The following DAPK2 variants were observed in gnomAD, a reference collection of about 807,000 sequenced individuals.
The protein encoded by DAPK2 is death associated protein kinase 2.
In DAPK2, 35 loss-of-function variants were observed where a neutral mutation model predicts 44.1. The observed-to-expected ratio is 0.79, with a 90% CI of 0.61 to 1.05. DAPK2 has a LOEUF of 1.05. Ranked by LOEUF, DAPK2 falls within the 50% of genes least tolerant of loss-of-function variation. DAPK2 has a pLI of 0.00. For missense variants in DAPK2, 453 were observed against 483.2 expected, an observed-to-expected ratio of 0.94 and a Z score of 0.59; for synonymous variants, 174 against 182.6, an observed-to-expected ratio of 0.95 and a Z score of 0.38.
intron 3 of DAPK2, among the ~76,000 whole-genome samples, chr15:63,951,451 GT>G (rs2077584106): frequency 6.6e-6 from 1 of 152,070 alleles, no homozygotes; most frequent in African/African-American, 2.4e-5. Flanking sequence ...AGGTGACATC[GT>G]CTATGCACAT....
chr15:63,966,819 G>A lies in DAPK2; in HGVS notation c.453+4604C>T, dbSNP rs982137747. Among the ~76,000 whole-genome samples, 2 of 152,162 alleles carry A rather than the reference G, an allele frequency of 1.3e-5. No individual in the cohort carries two copies. Among genetic ancestry groups the A allele is most frequent in the Non-Finnish European group, 2.9e-5 (2 of 68,036 alleles). ...TGCTGCCAGAAGATGGGGAAGGGGT[G>A]GTATAGGTGATTCAAGACTGTCTTT... On this transcript the variant is annotated intron_variant, in intron 3 of 10. Transcript: ENST00000261891. The surrounding 1 kb of genome is among the most constrained non-coding windows in gnomAD (Gnocchi z 5.5).
chr15:63,955,097 A>T (rs921836752), intron 3 of DAPK2, among the ~76,000 whole-genome samples: 15 of 152,238 alleles, frequency 9.9e-5, no homozygotes, highest in African/African-American at 3.4e-4. Context: ...ATCTGCAAAC[A>T]AGGATAATTT....
chr15:64,031,757 T>A (rs1177545952), intron 1 of DAPK2, among the ~76,000 whole-genome samples: 1 of 152,362 alleles, frequency 6.6e-6, no homozygotes, highest in East Asian at 1.9e-4. Context: ...AAGGTAGGTT[T>A]GTATTTCTTG....
intron 1 of DAPK2, among the ~76,000 whole-genome samples, chr15:63,997,030 A>T (rs920932979): frequency 6.6e-6 from 1 of 152,100 alleles, no homozygotes; most frequent in Admixed American, 6.5e-5. Flanking sequence ...TTAGAAGCAC[A>T]TCTTCCTCTA....
chr15:64,043,692 A>G (rs2080397269), upstream of DAPK2, among the ~76,000 whole-genome samples: 2 of 152,194 alleles, frequency 1.3e-5, no homozygotes, highest in Non-Finnish European at 2.9e-5. Context: ...ATGATTTTGT[A>G]TGTGATCAAA....
intron 1 of DAPK2, among the ~76,000 whole-genome samples, chr15:64,012,175 G>A (rs2079406027): frequency 6.6e-6 from 1 of 152,170 alleles, no homozygotes; most frequent in African/African-American, 2.4e-5. Context: ...CAACCTTCCT[G>A]AAGCCTCAAT....
chr15:64,029,360 C>G (rs1005189194), intron 1 of DAPK2, among the ~76,000 whole-genome samples: 3 of 152,164 alleles, frequency 2.0e-5, no homozygotes, highest in African/African-American at 7.2e-5. Context: ...TTGTAGTCAT[C>G]AGTCCTCCTG....
exon 2 of DAPK2, chr15:63,983,583 C>T (rs772231022): frequency 9.3e-6 from 15 of 1,614,072 alleles, no homozygotes; most frequent in East Asian, 4.5e-5. Context: ...CGTCGTGCAG[C>T]GTGATGACAT....
At chr15:63,986,683 C>T (rs2078676483) in intron 1 of DAPK2, among the ~76,000 whole-genome samples, 1 of 152,220 alleles carries the variant, frequency 6.6e-6, no homozygotes, top group Non-Finnish European at 1.5e-5. Flanking sequence ...AAGTAGCCAA[C>T]TCTTTAAATC....
intron 2 of DAPK2, among the ~76,000 whole-genome samples, chr15:63,973,346 G>T (rs1032442909): frequency 6.6e-6 from 1 of 152,202 alleles, no homozygotes; most frequent in African/African-American, 2.4e-5. Context: ...TTATGGGCAG[G>T]GTTGCTCAAA....
At chr15:64,036,077 A>G (rs573742569) in intron 1 of DAPK2, among the ~76,000 whole-genome samples, 84 of 151,872 alleles carry the variant, frequency 5.5e-4, no homozygotes, top group African/African-American at 2.0e-3. Context: ...CCTGGCCAGC[A>G]TGGTGAAACC....
chr15:63,940,917 T>C (rs1021127350), intron 3 of DAPK2, among the ~76,000 whole-genome samples: 6 of 151,956 alleles, frequency 3.9e-5, no homozygotes, highest in Admixed American at 6.6e-5. Context: ...TCCCCTAGGA[T>C]TGGGGGAATG....
intron 1 of DAPK2, among the ~76,000 whole-genome samples, chr15:63,984,923 A>T (rs1361795493): frequency 6.6e-6 from 1 of 152,240 alleles, no homozygotes; most frequent in African/African-American, 2.4e-5. Context: ...AAATACCCGG[A>T]GTGGCAATAA....
At chr15:64,021,588 G>A (rs987902850) in intron 1 of DAPK2, among the ~76,000 whole-genome samples, 2 of 152,162 alleles carry the variant, frequency 1.3e-5, no homozygotes, top group African/African-American at 2.4e-5. Flanking sequence ...ACACAAAGAA[G>A]GATAAAATGT....
At chr15:63,971,461 A>G in exon 3 of DAPK2, 6 of 1,614,180 alleles carry the variant, frequency 3.7e-6, no homozygotes, top group Non-Finnish European at 5.1e-6. Context: ...GTGTGAAGGT[A>G]GTTCACCCCA....
intron 3 of DAPK2, among the ~76,000 whole-genome samples, chr15:63,949,075 A>G (rs1266816579): frequency 6.6e-6 from 1 of 152,080 alleles, no homozygotes; most frequent in African/African-American, 2.4e-5. Flanking sequence ...GCCATTTCCA[A>G]CCTAGCTCTG....
At position 63,922,417 on chromosome 15, in the gene DAPK2, A is replaced by G; in HGVS notation, c.858+2399T>C. On this transcript the variant is annotated intron_variant, in intron 8 of 10. Transcript: ENST00000261891. ...AGATATGAACAAATCCTTCATCACA[A>G]ATCAATTCTCAAGCATTTCCCCAGG... is the stretch of plus-strand genomic sequence containing the variant. The G allele has an allele frequency of 4.5e-6, 5 of 1,105,248 alleles. 1 individual carries two copies. In the South Asian group the frequency reaches 1.6e-4, roughly 36 times the overall value. 68.5% of individuals were successfully genotyped at this position (1,105,248 alleles called of 1,614,324 possible).
chr15:64,028,867 A>G lies in DAPK2; in HGVS notation c.92+11303T>C, dbSNP rs150020373. 7.4e-3 allele frequency among the ~76,000 whole-genome samples: 1,133 copies of G among 152,336 alleles called. 9 individuals carry two copies. The highest frequency in any genetic ancestry group is 0.018 in the Admixed American group (272 of 15,296). On this transcript the variant is annotated intron_variant, in intron 1 of 10. Coordinates refer to ENST00000261891, the Ensembl canonical transcript of DAPK2. ...AGAGAGAGAGAAATGACAAAATGTT[A>G]TAAACTGGTATACATAGGTCAAGGG... is the stretch of plus-strand genomic sequence containing the variant.
upstream of DAPK2, among the ~76,000 whole-genome samples, chr15:64,040,767 C>T (rs1039115284): frequency 3.3e-5 from 5 of 151,788 alleles, no homozygotes; most frequent in Admixed American, 2.6e-4. Flanking sequence ...AAAAATTAGC[C>T]GGGTACGGTG....
Sources: gnomAD v4.1 joint callset for allele counts (sites outside exome capture counted in the v4.1 genomes callset) on GRCh38, gnomAD v4.1.1 for gene constraint, Gnocchi (gnomAD v3.1) non-coding constraint, MANE v1.5 for transcripts, NCBI Gene and HGNC (gene_info 2026-07-23, HGNC 2026-07-21) for gene names.